Variants in GREB1L observed in about 807,000 individuals in gnomAD.
GREB1L encodes the protein GREB1-like protein.
Under a neutral mutation model 200.8 loss-of-function variants are expected in GREB1L, and 17 were observed. The ratio of observed to expected loss-of-function variants is 0.08; its 90% confidence interval spans 0.06 to 0.13. The LOEUF (loss-of-function observed/expected upper bound fraction) is 0.13. Ranked by LOEUF, GREB1L falls within the 10% of genes least tolerant of loss-of-function variation. The pLI is 1.00. For missense variants in GREB1L, 1,657 were observed against 2,367.7 expected, an observed-to-expected ratio of 0.70 and a Z score of 6.23; for synonymous variants, 789 against 893.0, an observed-to-expected ratio of 0.88 and a Z score of 2.08.
intron 1 of GREB1L, among the ~76,000 whole-genome samples, chr18:21,345,801 G>A (rs942929575): frequency 2.0e-5 from 3 of 151,360 alleles, no homozygotes; most frequent in African/African-American, 7.3e-5. Context: ...GAAACTGGGA[G>A]CTGGAGGTTG....
At chr18:21,516,464 C>T in intron 29 of GREB1L, 149 bp from the exon 30 acceptor site, 1 of 677,626 alleles carries the variant, frequency 1.5e-6, no homozygotes, top group Non-Finnish European at 2.4e-6. Flanking sequence ...AGAGTTTTTC[C>T]AGGTCAGTGT....
intron 27 of GREB1L, among the ~76,000 whole-genome samples, chr18:21,510,683 A>C (rs986682799): frequency 2.6e-5 from 4 of 151,822 alleles, no homozygotes; most frequent in African/African-American, 9.7e-5. Context: ...CCTTATTTCA[A>C]CTCTTCTGGG....
chr18:21,411,554 T>C (rs1455092565), intron 7 of GREB1L, among the ~76,000 whole-genome samples: 2 of 152,016 alleles, frequency 1.3e-5, no homozygotes, highest in East Asian at 3.9e-4. Flanking sequence ...ACACTGCTGG[T>C]AGGAGTGTTA....
intron 1 of GREB1L, among the ~76,000 whole-genome samples, chr18:21,245,847 A>C (rs1326334306): frequency 1.3e-5 from 2 of 152,082 alleles, no homozygotes; most frequent in African/African-American, 2.4e-5. Context: ...CCTCCCTAGC[A>C]GCTGTGACTA....
At chr18:21,442,886 A>G (rs1420580691) in intron 10 of GREB1L, among the ~76,000 whole-genome samples, 1 of 151,412 alleles carries the variant, frequency 6.6e-6, no homozygotes, top group East Asian at 1.9e-4. Context: ...TGAAACATGT[A>G]TTGTCATTTG....
chr18:21,255,954 CAT>C (rs2037792715), intron 1 of GREB1L, among the ~76,000 whole-genome samples: 1 of 152,120 alleles, frequency 6.6e-6, no homozygotes, highest in African/African-American at 2.4e-5. Flanking sequence ...CTTTGAAAAT[CAT>C]AATACTGTCT....
At chr18:21,394,580 C>G (rs1194034823) in intron 4 of GREB1L, among the ~76,000 whole-genome samples, 1 of 152,138 alleles carries the variant, frequency 6.6e-6, no homozygotes, top group Non-Finnish European at 1.5e-5. Context: ...TTTGTCACAT[C>G]TTGTCATGTC....
At chr18:21,460,410 G>C (rs1175325004) in intron 15 of GREB1L, among the ~76,000 whole-genome samples, 1 of 151,954 alleles carries the variant, frequency 6.6e-6, no homozygotes, top group Non-Finnish European at 1.5e-5. Context: ...CAATGGCACA[G>C]ACTTGGCTCA....
intron 1 of GREB1L, among the ~76,000 whole-genome samples, chr18:21,325,196 C>T (rs1308085156): frequency 6.6e-6 from 1 of 152,136 alleles, no homozygotes; most frequent in Non-Finnish European, 1.5e-5. Context: ...TCCAGTTAGG[C>T]TAGGGAATTT....
chr18:21,257,004 C>CAAAA (rs747739158), intron 1 of GREB1L, among the ~76,000 whole-genome samples: 4 of 62,096 alleles, frequency 6.4e-5, no homozygotes, highest in African/African-American at 1.2e-4. Context: ...GACTCCGTCT[C>CAAAA]AAAAAAAAAA....
chr18:21,312,494 T>G (rs1424607187), intron 1 of GREB1L, among the ~76,000 whole-genome samples: 1 of 152,086 alleles, frequency 6.6e-6, no homozygotes, highest in Non-Finnish European at 1.5e-5. Flanking sequence ...CATCTGTTAT[T>G]TTTGCCTTTT....
intron 16 of GREB1L, among the ~76,000 whole-genome samples, chr18:21,476,302 T>C (rs2035697095): frequency 6.6e-6 from 1 of 152,042 alleles, no homozygotes; most frequent in South Asian, 2.1e-4. Context: ...AGAAAGTGTT[T>C]GATAATACTC....
intron 17 of GREB1L, among the ~76,000 whole-genome samples, chr18:21,481,215 C>T (rs1437633428): frequency 6.6e-6 from 1 of 151,924 alleles, no homozygotes. Flanking sequence ...CCTGGAAAGA[C>T]AGGAAGGCCT....
intron 1 of GREB1L, among the ~76,000 whole-genome samples, chr18:21,338,177 T>C (rs1485693686): frequency 6.6e-6 from 1 of 152,152 alleles, no homozygotes; most frequent in Non-Finnish European, 1.5e-5. Flanking sequence ...CCATCAACCC[T>C]TTCTGGGGTG....
intron 1 of GREB1L, among the ~76,000 whole-genome samples, chr18:21,275,090 A>G (rs940125894): frequency 2.0e-5 from 3 of 152,018 alleles, no homozygotes; most frequent in African/African-American, 7.2e-5. Context: ...AAATACAAAA[A>G]TTAGCTAGGC....
At chr18:21,252,003 G>T (rs974446671) in intron 1 of GREB1L, among the ~76,000 whole-genome samples, 2 of 151,316 alleles carry the variant, frequency 1.3e-5, no homozygotes, top group Non-Finnish European at 2.9e-5. Flanking sequence ...TTATAAAATG[G>T]TAATAAAATA....
intron 19 of GREB1L, among the ~76,000 whole-genome samples, chr18:21,493,385 T>C (rs1009439573): frequency 3.9e-5 from 6 of 152,208 alleles, no homozygotes; most frequent in Non-Finnish European, 7.3e-5. Flanking sequence ...TTGAACTCAA[T>C]GATCACCCCA....
chr18:21,348,717 G>A (rs1275390519), intron 1 of GREB1L, among the ~76,000 whole-genome samples: 1 of 152,138 alleles, frequency 6.6e-6, no homozygotes. Flanking sequence ...AGAGGTTGCA[G>A]TGAGCTGAGA....
At chr18:21,389,766 T>C (rs1056663365) in intron 4 of GREB1L, among the ~76,000 whole-genome samples, 4 of 152,202 alleles carry the variant, frequency 2.6e-5, no homozygotes, top group African/African-American at 9.7e-5. Context: ...TGAATTACTT[T>C]TGCGGCTTGC....
Sources: allele counts gnomAD v4.1 joint callset (sites outside exome capture counted in the v4.1 genomes callset), GRCh38; gene constraint gnomAD v4.1.1; transcripts MANE v1.5; gene names NCBI Gene and HGNC (gene_info 2026-07-23, HGNC 2026-07-21).